ZNF277: variants seen among roughly 807,000 people sequenced by gnomAD.
The protein encoded by ZNF277 is nuclear receptor-interacting factor 4.
ZNF277 carries 55 observed loss-of-function variants against 60.7 expected under a neutral mutation model. That is an observed-to-expected ratio of 0.91 (90% CI 0.73 to 1.13). ZNF277 has a LOEUF of 1.13. Among genes scored for constraint, ZNF277 ranks in the 50% most tolerant of loss-of-function variants. The pLI is 0.00. For synonymous variants in ZNF277, 178 were observed against 179.3 expected (o/e 0.99, Z 0.06); for missense variants, 510 against 523.0 (o/e 0.98, Z 0.24).
At chr7:112,336,255 G>A (rs113007547) in intron 8 of ZNF277, 84 bp downstream of exon 8, 28 of 1,241,396 alleles carry the variant, frequency 2.3e-5, no homozygotes, top group South Asian at 3.3e-5. Flanking sequence ...ATTATGAAGC[G>A]GGAACATAAG....
At chr7:112,335,528 G>A (rs545924012) in intron 7 of ZNF277, among the ~76,000 whole-genome samples, 1 of 152,172 alleles carries the variant, frequency 6.6e-6, no homozygotes, top group South Asian at 2.1e-4. Context: ...ATTTGAGTAG[G>A]TACTAGAGCA....
chr7:112,297,701 A>T (rs1792386445), intron 4 of ZNF277, among the ~76,000 whole-genome samples: 1 of 152,164 alleles, frequency 6.6e-6, no homozygotes, highest in Non-Finnish European at 1.5e-5. Flanking sequence ...AACAAGGCTA[A>T]ATTTACTATC....
intron 9 of ZNF277, among the ~76,000 whole-genome samples, chr7:112,339,208 C>A (rs1225083587): frequency 6.6e-6 from 1 of 152,216 alleles, no homozygotes; most frequent in East Asian, 1.9e-4. Context: ...CTTACCTACA[C>A]TTTTATCACA....
At chr7:112,211,196 T>C (rs1295241811) in intron 1 of ZNF277, among the ~76,000 whole-genome samples, 2 of 152,272 alleles carry the variant, frequency 1.3e-5, no homozygotes, top group Non-Finnish European at 2.9e-5. Context: ...TAGCAGGTGA[T>C]GTAAACTCCT....
intron 1 of ZNF277, among the ~76,000 whole-genome samples, chr7:112,244,209 TA>T (rs772034850): frequency 4.3e-4 from 65 of 152,110 alleles, no homozygotes; most frequent in Non-Finnish European, 7.2e-4. Flanking sequence ...GTAATGTAAC[TA>T]AAAGCTTCAC....
intron 1 of ZNF277, among the ~76,000 whole-genome samples, chr7:112,221,931 C>G (rs1435865352): frequency 6.6e-6 from 1 of 152,168 alleles, no homozygotes; most frequent in African/African-American, 2.4e-5. Context: ...TGTTAAAATA[C>G]TTTCTCCACA....
At chr7:112,313,499 T>C (rs1001297118) in intron 4 of ZNF277, among the ~76,000 whole-genome samples, 6 of 152,124 alleles carry the variant, frequency 3.9e-5, no homozygotes, top group Admixed American at 6.6e-5. Flanking sequence ...GCCCAGGCTG[T>C]GTTTATAGTA....
At chr7:112,297,325 G>A (rs573558855) in intron 4 of ZNF277, among the ~76,000 whole-genome samples, 2 of 152,104 alleles carry the variant, frequency 1.3e-5, no homozygotes, top group African/African-American at 4.8e-5. Context: ...ATTTAATCTC[G>A]ACTATTACTT....
chr7:112,321,199 GA>G (rs1330957026), intron 5 of ZNF277, among the ~76,000 whole-genome samples: 1 of 151,842 alleles, frequency 6.6e-6, no homozygotes, highest in Admixed American at 6.6e-5. Flanking sequence ...GGGATTACAG[GA>G]GTGAGCCACC....
intron 1 of ZNF277, among the ~76,000 whole-genome samples, chr7:112,219,796 T>G (rs750387559): frequency 6.6e-6 from 1 of 152,104 alleles, no homozygotes; most frequent in Non-Finnish European, 1.5e-5. Context: ...CCATCACACC[T>G]GGCTAAATTT....
At chr7:112,320,280 A>G (rs1792946866) in intron 5 of ZNF277, among the ~76,000 whole-genome samples, 2 of 152,176 alleles carry the variant, frequency 1.3e-5, no homozygotes, top group Non-Finnish European at 2.9e-5. Context: ...TGACCTCCTC[A>G]GTAGTCTTGA....
intron 6 of ZNF277, chr7:112,328,228 T>C (rs1793143178): frequency 6.4e-6 from 1 of 156,820 alleles, no homozygotes; most frequent in Non-Finnish European, 1.4e-5. Context: ...CTGTAACTTG[T>C]CTACATATTC....
intron 1 of ZNF277, among the ~76,000 whole-genome samples, chr7:112,263,101 G>T (rs765070441): frequency 6.6e-6 from 1 of 152,124 alleles, no homozygotes; most frequent in Non-Finnish European, 1.5e-5. Flanking sequence ...TCAAGGAAGG[G>T]CCTCTACTCA....
intron 1 of ZNF277, among the ~76,000 whole-genome samples, chr7:112,214,146 A>G (rs760791759): frequency 2.0e-5 from 3 of 152,228 alleles, no homozygotes; most frequent in Non-Finnish European, 4.4e-5. Context: ...CATGCAAAAG[A>G]ATAGTGCTGC....
At chr7:112,231,122 G>A (rs1822315353) in intron 1 of ZNF277, among the ~76,000 whole-genome samples, 1 of 151,934 alleles carries the variant, frequency 6.6e-6, no homozygotes, top group Admixed American at 6.6e-5. Flanking sequence ...GCTGAGGCAG[G>A]AGAATCACTT....
At chr7:112,323,805 T>C (rs1343133491) in intron 5 of ZNF277, among the ~76,000 whole-genome samples, 1 of 152,222 alleles carries the variant, frequency 6.6e-6, no homozygotes, top group East Asian at 1.9e-4. Context: ...CAGAAGTGCT[T>C]CTCTCAAAGC....
rs559514780 is a variant in ZNF277 at position 112,292,611 on chromosome 7, C to T, written c.294-3258C>T. Among the ~76,000 whole-genome samples, 4 of 152,164 alleles carry T rather than the reference C, an allele frequency of 2.6e-5. 1 individual carries two copies. In the South Asian group the frequency reaches 6.2e-4, roughly 24 times the overall value. Reference sequence around the variant, plus strand: ...CTTCCCTTTTCTGCATTTCTTGTACCGATTCGTCCCCACATGACACTAGAG... The same window carrying T: ...CTTCCCTTTTCTGCATTTCTTGTACTGATTCGTCCCCACATGACACTAGAG... On this transcript the variant is annotated intron_variant, in intron 2 of 11. Coordinates refer to ENST00000361822, the MANE Select transcript of ZNF277 (RefSeq NM_021994.3).
At chr7:112,212,778 T>A (rs867692000) in intron 1 of ZNF277, among the ~76,000 whole-genome samples, 13 of 152,290 alleles carry the variant, frequency 8.5e-5, no homozygotes, top group African/African-American at 2.2e-4. Context: ...TACATACTAG[T>A]ATTACAACTA....
chr7:112,254,879 G>A (rs939518323), intron 1 of ZNF277, among the ~76,000 whole-genome samples: 5 of 152,180 alleles, frequency 3.3e-5, no homozygotes, highest in South Asian at 2.1e-4. Context: ...GCTGAGGTGG[G>A]AGGATTGCTT....
Sources: allele counts gnomAD v4.1 joint callset (sites outside exome capture counted in the v4.1 genomes callset), GRCh38; gene constraint gnomAD v4.1.1; transcripts MANE v1.5; gene names NCBI Gene and HGNC (gene_info 2026-07-23, HGNC 2026-07-21).